Variants in TAFA2 observed in about 807,000 individuals in gnomAD.
TAFA2 encodes the protein TAFA chemokine like family member 2, also known as chemokine-like protein TAFA-2.
A neutral mutation model predicts 18.8 loss-of-function variants in TAFA2; 7 were observed. That is an observed-to-expected ratio of 0.37 (90% CI 0.21 to 0.70). TAFA2 has a LOEUF of 0.70. TAFA2 is among the 30% of genes least tolerant of loss of function. The pLI is 0.53. For missense variants in TAFA2, 122 were observed against 158.1 expected (o/e 0.77, Z 1.23); for synonymous variants, 60 against 54.2 (o/e 1.11, Z -0.47).
At chr12:61,876,894 A>C (rs899136158) in intron 1 of TAFA2, among the ~76,000 whole-genome samples, 1 of 152,192 alleles carries the variant, frequency 6.6e-6, no homozygotes. Context: ...ATCCCTGAGC[A>C]CAGCAACGTC....
At chr12:62,244,083 C>T (rs1202001400) in intron 1 of TAFA2, among the ~76,000 whole-genome samples, 2 of 150,838 alleles carry the variant, frequency 1.3e-5, no homozygotes, top group South Asian at 4.2e-4. Context: ...AGCCACCATA[C>T]CTGGCCTTTT....
intron 1 of TAFA2, among the ~76,000 whole-genome samples, chr12:61,875,186 T>A (rs955201170): frequency 1.3e-5 from 2 of 152,136 alleles, no homozygotes; most frequent in Non-Finnish European, 2.9e-5. Context: ...AAGGTATGTC[T>A]TTCATTCTCA....
intron 2 of TAFA2, among the ~76,000 whole-genome samples, chr12:61,838,957 A>G (rs1194943385): frequency 6.6e-6 from 1 of 152,116 alleles, no homozygotes; most frequent in Non-Finnish European, 1.5e-5. Context: ...GGCCCCAAAT[A>G]TCAATAGTGC....
intron 1 of TAFA2, among the ~76,000 whole-genome samples, chr12:62,113,662 T>C (rs1869833658): frequency 6.6e-6 from 1 of 152,196 alleles, no homozygotes; most frequent in Non-Finnish European, 1.5e-5. Flanking sequence ...TGACTGGGAC[T>C]GCTGCCTTTC....
chr12:62,243,626 C>G (rs2062872626), intron 1 of TAFA2, among the ~76,000 whole-genome samples: 1 of 152,178 alleles, frequency 6.6e-6, no homozygotes, highest in Non-Finnish European at 1.5e-5. Flanking sequence ...CTAATCACTA[C>G]AGCTATTATT....
intron 1 of TAFA2, among the ~76,000 whole-genome samples, chr12:62,008,832 C>A (rs1218956672): frequency 6.6e-6 from 1 of 152,128 alleles, no homozygotes; most frequent in African/African-American, 2.4e-5. Flanking sequence ...TTTTAGGCCC[C>A]TTATTGCACA....
intron 1 of TAFA2, among the ~76,000 whole-genome samples, chr12:61,982,334 A>T (rs1879663668): frequency 6.6e-6 from 1 of 152,104 alleles, no homozygotes; most frequent in African/African-American, 2.4e-5. Flanking sequence ...GAAATACCTA[A>T]TGTAAATGAT....
chr12:62,241,194 A>G (rs2062861388), intron 1 of TAFA2, among the ~76,000 whole-genome samples: 1 of 152,196 alleles, frequency 6.6e-6, no homozygotes, highest in Non-Finnish European at 1.5e-5. Context: ...GCACATGAGG[A>G]GAGTTGCAGA....
At chr12:61,999,069 T>C (rs1880293279) in intron 1 of TAFA2, among the ~76,000 whole-genome samples, 1 of 152,218 alleles carries the variant, frequency 6.6e-6, no homozygotes, top group Non-Finnish European at 1.5e-5. Context: ...AAGACTTCCT[T>C]ACTACTTATT....
intron 1 of TAFA2, among the ~76,000 whole-genome samples, chr12:61,873,182 G>A (rs1874693475): frequency 6.6e-6 from 1 of 152,144 alleles, no homozygotes; most frequent in South Asian, 2.1e-4. Context: ...ATGGAGATGT[G>A]AAGAACAGTA....
chr12:61,741,306 G>GTA (rs200329057), intron 4 of TAFA2, among the ~76,000 whole-genome samples: 1,755 of 151,768 alleles, frequency 0.012, 49 homozygotes, highest in African/African-American at 0.04. Context: ...GTGTGTGTAT[G>GTA]TGTCTCCATC....
At position 62,012,499 on chromosome 12, in the gene TAFA2, C is replaced by A. The variant is rs140217559; in HGVS notation, c.-1-145073G>T. Among the ~76,000 whole-genome samples, 539 of 151,814 alleles carry A rather than the reference C, an allele frequency of 3.6e-3. 1 individual carries two copies. The highest frequency in any genetic ancestry group is 0.012 in the African/African-American group (507 of 41,426). ...AAAGGTGCATATGGTCAAGATGAGA[C>A]ATTTCCTATTTTTATAAGCACCTTC... is the stretch of plus-strand genomic sequence containing the variant. On this transcript the variant is annotated intron_variant, in intron 1 of 4. Transcript: ENST00000416284.
chr12:62,089,166 G>A (rs568282161), intron 1 of TAFA2, among the ~76,000 whole-genome samples: 26 of 152,162 alleles, frequency 1.7e-4, no homozygotes, highest in Non-Finnish European at 3.4e-4. Context: ...AACTATCCAC[G>A]TTTATTAACA....
At chr12:61,822,315 T>G (rs975441857) in intron 2 of TAFA2, among the ~76,000 whole-genome samples, 7 of 152,120 alleles carry the variant, frequency 4.6e-5, no homozygotes, top group Admixed American at 2.0e-4. Flanking sequence ...TTGACACTCA[T>G]CAATGCATAT....
chr12:62,024,471 T>C (rs1024048200), intron 1 of TAFA2, among the ~76,000 whole-genome samples: 1 of 152,154 alleles, frequency 6.6e-6, no homozygotes, highest in Non-Finnish European at 1.5e-5. Flanking sequence ...TAATGTCCCA[T>C]ATGAGAAACC....
chr12:62,235,124 C>G, intron 1 of TAFA2: 1 of 643,180 alleles, frequency 1.6e-6, no homozygotes, highest in Non-Finnish European at 3.0e-6. Flanking sequence ...CAGGCATTAT[C>G]TGGGGCCCAC....
At chr12:61,963,318 G>GA (rs971931861) in intron 1 of TAFA2, among the ~76,000 whole-genome samples, 7 of 151,528 alleles carry the variant, frequency 4.6e-5, no homozygotes, top group African/African-American at 1.7e-4. Flanking sequence ...CACAATGGTT[G>GA]AAAAGCATTC....
chr12:61,880,779 A>T (rs1247226278), intron 1 of TAFA2: 3 of 358,138 alleles, frequency 8.4e-6, no homozygotes, highest in Non-Finnish European at 1.6e-5. Context: ...GTGAACTGCC[A>T]TGGCAGCCCC....
At chr12:62,221,303 C>T (rs2136978865) in intron 1 of TAFA2, among the ~76,000 whole-genome samples, 1 of 150,734 alleles carries the variant, frequency 6.6e-6, no homozygotes, top group East Asian at 2.0e-4. Context: ...ACCAAAATAC[C>T]CATCTCCAAA....
Sources: gnomAD v4.1 joint callset for allele counts (sites outside exome capture counted in the v4.1 genomes callset) on GRCh38, gnomAD v4.1.1 for gene constraint, MANE v1.5 for transcripts, NCBI Gene and HGNC (gene_info 2026-07-23, HGNC 2026-07-21) for gene names.